Variants in EIF4E observed in about 807,000 individuals in gnomAD.
EIF4E encodes the protein eukaryotic translation initiation factor 4E.
For missense variants in EIF4E, 113 were observed against 265.6 expected, an observed-to-expected ratio of 0.43 and a Z score of 3.99; for synonymous variants, 71 against 88.5, an observed-to-expected ratio of 0.80 and a Z score of 1.11.
intron 2 of EIF4E, 88 bp downstream of exon 2, chr4:98,901,788 C>G (rs1724659963): frequency 4.1e-6 from 5 of 1,221,790 alleles, no homozygotes; most frequent in Non-Finnish European, 3.6e-6. Context: ...TAAAACTAGT[C>G]TCATAATCTA....
intron 1 of EIF4E, among the ~76,000 whole-genome samples, chr4:98,921,535 A>C (rs1560655588): frequency 6.6e-6 from 1 of 152,044 alleles, no homozygotes; most frequent in Admixed American, 6.6e-5. Context: ...CGCTTGGCTA[A>C]TTTTTGTATT....
chr4:98,902,764 T>C (rs944911268), intron 1 of EIF4E, among the ~76,000 whole-genome samples: 4 of 152,042 alleles, frequency 2.6e-5, no homozygotes, highest in Non-Finnish European at 5.9e-5. Context: ...GGGAGATTAA[T>C]AGGAGGATTA....
intron 6 of EIF4E, 89 bp downstream of exon 6, chr4:98,884,833 C>G: frequency 6.6e-7 from 1 of 1,525,028 alleles, no homozygotes; most frequent in Non-Finnish European, 9.0e-7. Context: ...GATCTACAAA[C>G]TGAAGTATTT....
chr4:98,893,538 T>A (rs1024527276), intron 2 of EIF4E, among the ~76,000 whole-genome samples: 2 of 152,208 alleles, frequency 1.3e-5, no homozygotes, highest in African/African-American at 4.8e-5. Context: ...CAGGAATAGA[T>A]TCCATCTCAA....
At chr4:98,894,834 C>G (rs1252185610) in intron 2 of EIF4E, among the ~76,000 whole-genome samples, 1 of 152,186 alleles carries the variant, frequency 6.6e-6, no homozygotes, top group African/African-American at 2.4e-5. Flanking sequence ...CCTGTGTTGG[C>G]TTTTGACATG....
rs1170689783 is a variant in EIF4E, at chr4:98,879,466, T to C, written c.*1562A>G. The C allele has an allele frequency of 2.0e-5, 3 of 152,170 alleles. No individual in the cohort carries two copies. The highest frequency in any genetic ancestry group is 2.9e-5 in the Non-Finnish European group (2 of 68,018). The allele number at this position is 152,170 out of a possible 1,614,324, so 9.4% of individuals were successfully genotyped here. On this transcript the variant is annotated 3_prime_UTR_variant, in exon 7 of 7. Transcript: ENST00000450253. ...CATCTCACAGGACTATACAAGTATG[T>C]ACTATGTACAAAACATTTTCAAGTT...
chr4:98,920,942 T>A (rs915751567), intron 1 of EIF4E, among the ~76,000 whole-genome samples: 1 of 152,206 alleles, frequency 6.6e-6, no homozygotes, highest in Admixed American at 6.6e-5. Context: ...AATTTGTTCC[T>A]CTTTTTACAC....
At chr4:98,882,757 T>C (rs1397055776) in intron 6 of EIF4E, among the ~76,000 whole-genome samples, 1 of 151,008 alleles carries the variant, frequency 6.6e-6, no homozygotes, top group Non-Finnish European at 1.5e-5. Flanking sequence ...GAAGTCTTAA[T>C]ATACACTCAA....
At chr4:98,886,125 C>T (rs577864129) in intron 5 of EIF4E, among the ~76,000 whole-genome samples, 41 of 151,904 alleles carry the variant, frequency 2.7e-4, no homozygotes, top group Non-Finnish European at 4.4e-4. Flanking sequence ...CTAGCCTGGG[C>T]GACAGAACAA....
chr4:98,919,070 A>ATCT (rs1725531510), intron 1 of EIF4E, among the ~76,000 whole-genome samples: 1 of 152,176 alleles, frequency 6.6e-6, no homozygotes, highest in African/African-American at 2.4e-5. Context: ...GCACTTTGGG[A>ATCT]GGCTGAGGCA....
At chr4:98,897,587 A>G (rs1724464442) in intron 2 of EIF4E, among the ~76,000 whole-genome samples, 1 of 152,096 alleles carries the variant, frequency 6.6e-6, no homozygotes, top group Non-Finnish European at 1.5e-5. Flanking sequence ...AAAAGGAATG[A>G]CTTTGATGAG....
rs568101887 is a variant in EIF4E, at chr4:98,902,967, G to T, written c.19-985C>A. On this transcript the variant is annotated intron_variant, in intron 1 of 6. Transcript: ENST00000450253. Reference sequence around the variant, plus strand: ...TACCCTATCGTAACCTAAAAGTTCGGCAACTTAATATTTTCAATGGAACCT... The same window carrying T: ...TACCCTATCGTAACCTAAAAGTTCGTCAACTTAATATTTTCAATGGAACCT... Among the ~76,000 whole-genome samples the T allele has an allele frequency of 1.2e-4, 19 of 152,264 alleles. No individual in the cohort carries two copies. The South Asian group carries it at 3.9e-3, about 32-fold the overall frequency.
chr4:98,885,795 T>G (rs1723891410), intron 5 of EIF4E, among the ~76,000 whole-genome samples: 1 of 152,178 alleles, frequency 6.6e-6, no homozygotes. Flanking sequence ...AATTTACCAT[T>G]TTAACCACCT....
At chr4:98,900,545 G>A (rs1206626869) in intron 2 of EIF4E, among the ~76,000 whole-genome samples, 1 of 151,954 alleles carries the variant, frequency 6.6e-6, no homozygotes, top group East Asian at 1.9e-4. Context: ...GAGAGTGAAT[G>A]GTCTGCCCTA....
intron 6 of EIF4E, among the ~76,000 whole-genome samples, chr4:98,881,958 T>C (rs1723710340): frequency 6.6e-6 from 1 of 152,122 alleles, no homozygotes; most frequent in African/African-American, 2.4e-5. Flanking sequence ...AAAAGGATAA[T>C]GTTAAGAGAA....
At chr4:98,901,811 A>G in intron 2 of EIF4E, 65 bp downstream of exon 2, 2 of 1,427,940 alleles carry the variant, frequency 1.4e-6, no homozygotes, top group Non-Finnish European at 2.0e-6. Flanking sequence ...TTTCCCTTCA[A>G]ACTTGCCCCA....
intron 1 of EIF4E, chr4:98,909,653 T>C (rs1439782855): frequency 2.8e-6 from 2 of 711,310 alleles, no homozygotes; most frequent in Non-Finnish European, 5.2e-6. Context: ...GCTTCCAACC[T>C]GTGCTGGCAA....
chr4:98,892,868 T>A (rs2110187652), intron 2 of EIF4E, among the ~76,000 whole-genome samples: 1 of 152,286 alleles, frequency 6.6e-6, no homozygotes, highest in Non-Finnish European at 1.5e-5. Context: ...TGTTCTGAAA[T>A]AATGTATACC....
At chr4:98,884,781 A>G in intron 6 of EIF4E, 141 bp downstream of exon 6, 1 of 1,176,426 alleles carries the variant, frequency 8.5e-7, no homozygotes, top group African/African-American at 1.5e-5. Flanking sequence ...TGAGCCGTTC[A>G]AAATTATAAA....
Sources: allele counts gnomAD v4.1 joint callset (sites outside exome capture counted in the v4.1 genomes callset), GRCh38; gene constraint gnomAD v4.1.1; transcripts MANE v1.5; gene names NCBI Gene and HGNC (gene_info 2026-07-23, HGNC 2026-07-21).